EXOC5: variants seen among roughly 807,000 people sequenced by gnomAD.
EXOC5 encodes the protein exocyst complex component 5.
EXOC5 carries 17 observed loss-of-function variants against 90.8 expected under a neutral mutation model. The observed-to-expected ratio is 0.19, with a 90% CI of 0.13 to 0.28. EXOC5 has a LOEUF of 0.28. EXOC5 is among the 10% of genes least tolerant of loss of function. EXOC5 has a pLI of 1.00. For missense variants in EXOC5, 569 were observed against 830.6 expected, an observed-to-expected ratio of 0.69 and a Z score of 3.87; for synonymous variants, 260 against 270.0, an observed-to-expected ratio of 0.96 and a Z score of 0.36.
chr14:57,206,565 TAA>T lies in EXOC5; in HGVS notation c.*2042_*2043del, dbSNP rs1054225998. On this transcript the variant is annotated 3_prime_UTR_variant, in exon 18 of 18. Transcript: ENST00000621441. ...ATTCAGGATGGATGGCTCTAAAATA[TAA>T]AAAGAGTGAAATAAAAAAAACAACT... 2 of 152,074 alleles carry T rather than the reference TAA, an allele frequency of 1.3e-5. No homozygotes were observed. Among genetic ancestry groups the T allele is most frequent in the African/African-American group, 4.8e-5 (2 of 41,390 alleles). 9.4% of individuals were successfully genotyped at this position (152,074 alleles called of 1,614,324 possible).
chr14:57,238,495 C>T (rs145340430), intron 5 of EXOC5, among the ~76,000 whole-genome samples: 29 of 150,680 alleles, frequency 1.9e-4, no homozygotes, highest in Non-Finnish European at 3.3e-4. Flanking sequence ...GGGATGCAGT[C>T]AATAATTATT....
chr14:57,222,906 A>C (rs1883196858), intron 12 of EXOC5, among the ~76,000 whole-genome samples: 1 of 151,984 alleles, frequency 6.6e-6, no homozygotes, highest in African/African-American at 2.4e-5. Context: ...GTCTAGTAAA[A>C]CTCAGAACAA....
chr14:57,244,374 C>A lies in EXOC5; in HGVS notation c.271-15G>T. ...TGGAAGGCAACCTAGGAAAAATGTGCATAAGCATAAAATACAATCAGTGTG... is the reference window on the plus strand; with the variant it reads ...TGGAAGGCAACCTAGGAAAAATGTGAATAAGCATAAAATACAATCAGTGTG... On this transcript the variant is annotated splice_polypyrimidine_tract_variant and intron_variant, in intron 3 of 17. Coordinates refer to ENST00000621441, the MANE Select transcript of EXOC5 (RefSeq NM_006544.4). 1 of 1,588,390 alleles carries A rather than the reference C, an allele frequency of 6.3e-7. No individual in the cohort carries two copies. The highest frequency in any genetic ancestry group is 8.6e-7 in the Non-Finnish European group (1 of 1,157,278).
intron 13 of EXOC5, among the ~76,000 whole-genome samples, chr14:57,221,149 CA>C (rs1461299280): frequency 2.0e-5 from 3 of 152,278 alleles, no homozygotes; most frequent in Non-Finnish European, 4.4e-5. Context: ...GAGAAGATAA[CA>C]TCTTAGTTGA....
chr14:57,226,210 T>G (rs1312869619), intron 12 of EXOC5, among the ~76,000 whole-genome samples: 1 of 152,190 alleles, frequency 6.6e-6, no homozygotes, highest in Non-Finnish European at 1.5e-5. Context: ...AAGGAATTCC[T>G]ATCTTACTTA....
intron 1 of EXOC5, among the ~76,000 whole-genome samples, chr14:57,265,850 T>C (rs950541495): frequency 6.6e-6 from 1 of 152,260 alleles, no homozygotes; most frequent in African/African-American, 2.4e-5. Flanking sequence ...ACACTGTACA[T>C]GGATCTTTTC....
chr14:57,237,648 A>G lies in EXOC5; in HGVS notation c.531-282T>C, dbSNP rs1883702539. 1.7e-5 allele frequency: 5 copies of G among 294,732 alleles called. No individual in the cohort carries two copies. The South Asian group carries it at 3.7e-4, about 22-fold the overall frequency. The allele number at this position is 294,732 out of a possible 1,614,324, so 18.3% of individuals were successfully genotyped here. A position where few individuals can be genotyped will look rare whatever the true frequency, so the allele number is the denominator to read the frequency against. ...CTCATTTAGGAAATTCACATTGAAAATCAATTCTCTTTTTAAAGAATCAAC... is the reference window on the plus strand; with the variant it reads ...CTCATTTAGGAAATTCACATTGAAAGTCAATTCTCTTTTTAAAGAATCAAC... On this transcript the variant is annotated intron_variant, in intron 5 of 17. Transcript: ENST00000621441.
chr14:57,222,894 C>T (rs1021725853), intron 12 of EXOC5, among the ~76,000 whole-genome samples: 1 of 151,782 alleles, frequency 6.6e-6, no homozygotes, highest in Non-Finnish European at 1.5e-5. Flanking sequence ...GAGCAAAGAA[C>T]AGTCTAGTAA....
chr14:57,265,493 T>C (rs1400728386), intron 1 of EXOC5, among the ~76,000 whole-genome samples: 2 of 152,038 alleles, frequency 1.3e-5, no homozygotes, highest in Non-Finnish European at 2.9e-5. Flanking sequence ...GGGGCCAAGG[T>C]GGGCAGATTG....
intron 15 of EXOC5, among the ~76,000 whole-genome samples, chr14:57,215,725 C>T (rs911215399): frequency 2.3e-4 from 35 of 152,226 alleles, no homozygotes; most frequent in African/African-American, 8.4e-4. Context: ...GTGTGAAAAG[C>T]TCAAAGTGAA....
chr14:57,221,788 T>C (rs1317377054), intron 13 of EXOC5, among the ~76,000 whole-genome samples: 2 of 152,162 alleles, frequency 1.3e-5, no homozygotes, highest in African/African-American at 4.8e-5. Context: ...AGTTTCATTT[T>C]GGATATGTTA....
At chr14:57,255,072 A>T (rs923940051) in intron 1 of EXOC5, among the ~76,000 whole-genome samples, 2 of 152,204 alleles carry the variant, frequency 1.3e-5, no homozygotes, top group Non-Finnish European at 2.9e-5. Flanking sequence ...TAAGCAACCA[A>T]GTAGAAAAAA....
chr14:57,204,742 T>C lies in EXOC5; in HGVS notation c.*3867A>G, dbSNP rs546026152. 76 of 152,622 alleles carry C rather than the reference T, an allele frequency of 5.0e-4. No individual in the cohort carries two copies. The highest frequency in any genetic ancestry group is 1.6e-3 in the African/African-American group (65 of 41,578). The allele number at this position is 152,622 out of a possible 1,614,324, so 9.5% of individuals were successfully genotyped here. On this transcript the variant is annotated 3_prime_UTR_variant, in exon 18 of 18. Transcript: ENST00000621441. ...TAGGTACAAACTTAACATTAAAATT[T>C]CATGACCACTTATAATATTTAAAAA... is the stretch of plus-strand genomic sequence containing the variant.
At position 57,209,936 on chromosome 14, in the gene EXOC5, T is replaced by G. The variant is rs556734596; in HGVS notation, c.1722+17A>C. On this transcript the variant is annotated intron_variant, in intron 16 of 17. Coordinates refer to ENST00000621441, the MANE Select transcript of EXOC5 (RefSeq NM_006544.4). ...AAATGTTAACAAAGTATTAACAAAC[T>G]GAATGATTTTACTCACATTAGTATA... The G allele has an allele frequency of 3.0e-4, 394 of 1,326,776 alleles. 7 individuals are homozygous for G. In the South Asian group the frequency reaches 4.5e-3, roughly 15 times the overall value. 82.2% of individuals were successfully genotyped at this position (1,326,776 alleles called of 1,614,324 possible).
chr14:57,217,970 C>T lies in EXOC5; in HGVS notation c.1613+12G>A. The stretch of plus-strand genomic sequence containing the variant: ...ATTTAAAAAAATGCAAGAGACAAAA[C>T]CAACAACTTGCCTATCAATGCCAGT... On this transcript the variant is annotated intron_variant, in intron 15 of 17. Transcript: ENST00000621441. The T allele has an allele frequency of 6.9e-7, 1 of 1,458,236 alleles. No homozygotes were observed. Among genetic ancestry groups the T allele is most frequent in the East Asian group, 2.3e-5 (1 of 43,884 alleles). 90.3% of individuals were successfully genotyped at this position (1,458,236 alleles called of 1,614,324 possible).
At chr14:57,241,483 C>T (rs1048082380) in intron 4 of EXOC5, among the ~76,000 whole-genome samples, 4 of 152,216 alleles carry the variant, frequency 2.6e-5, no homozygotes, top group Admixed American at 2.6e-4. Context: ...CTGCTCTATG[C>T]TTCCATAAGG....
At chr14:57,238,375 T>TATATATATATATATATATAC (rs1239623225) in intron 5 of EXOC5, among the ~76,000 whole-genome samples, 1 of 74,898 alleles carries the variant, frequency 1.3e-5, no homozygotes, top group Non-Finnish European at 2.8e-5. Flanking sequence ...TATATATATA[T>TATATATATATATATATATAC]ACACACACAC....
In EXOC5 at chr14:57,204,583, G is replaced by A. The variant is rs748966869; in HGVS notation, c.*4026C>T. 25 of 152,380 alleles carry A rather than the reference G, an allele frequency of 1.6e-4. No individual in the cohort carries two copies. The highest frequency in any genetic ancestry group is 2.2e-4 in the Non-Finnish European group (15 of 67,914). The allele number at this position is 152,380 out of a possible 1,614,324, so 9.4% of individuals were successfully genotyped here. A position where few individuals can be genotyped will look rare whatever the true frequency, so the allele number is the denominator to read the frequency against. ...ACACTGATTTCTTCATATCTTCCAAGGTAGAGTTGTCATTTACTTCTATGT... is the reference window on the plus strand; with the variant it reads ...ACACTGATTTCTTCATATCTTCCAAAGTAGAGTTGTCATTTACTTCTATGT... On this transcript the variant is annotated 3_prime_UTR_variant, in exon 18 of 18. Transcript: ENST00000621441.
chr14:57,216,441 T>A (rs1487133160), intron 15 of EXOC5, among the ~76,000 whole-genome samples: 1 of 152,034 alleles, frequency 6.6e-6, no homozygotes, highest in African/African-American at 2.4e-5. Flanking sequence ...TAAAAACAGA[T>A]ACACAGCCCA....
Sources: gnomAD v4.1 joint callset for allele counts (sites outside exome capture counted in the v4.1 genomes callset) on GRCh38, gnomAD v4.1.1 for gene constraint, MANE v1.5 for transcripts, NCBI Gene and HGNC (gene_info 2026-07-23, HGNC 2026-07-21) for gene names.